DYNC1I1: variants seen among roughly 807,000 people sequenced by gnomAD.
The protein encoded by DYNC1I1 is cytoplasmic dynein 1 intermediate chain 1.
Under a neutral mutation model 86.6 loss-of-function variants are expected in DYNC1I1, and 43 were observed. That is an observed-to-expected ratio of 0.50 (90% confidence interval 0.39 to 0.64). DYNC1I1 has a LOEUF of 0.64. Among genes scored for constraint, DYNC1I1 ranks in the 30% least tolerant of loss-of-function variants. The pLI is 0.00. For missense variants in DYNC1I1, 604 were observed against 788.8 expected, an observed-to-expected ratio of 0.77 and a Z score of 2.81; for synonymous variants, 262 against 283.7, an observed-to-expected ratio of 0.92 and a Z score of 0.77.
chr7:95,846,929 C>T (rs965208067), intron 5 of DYNC1I1, among the ~76,000 whole-genome samples: 2 of 152,176 alleles, frequency 1.3e-5, no homozygotes, highest in Non-Finnish European at 2.9e-5. Context: ...CTCTATGACT[C>T]CATTGGGTGG....
At chr7:95,843,272 G>A (rs1324696772) in intron 5 of DYNC1I1, among the ~76,000 whole-genome samples, 2 of 152,152 alleles carry the variant, frequency 1.3e-5, no homozygotes, top group Non-Finnish European at 2.9e-5. Flanking sequence ...GCAAACTTCT[G>A]AGTTTTCTTT....
intron 11 of DYNC1I1, among the ~76,000 whole-genome samples, chr7:96,028,971 C>A (rs1033072838): frequency 1.2e-4 from 18 of 152,150 alleles, no homozygotes; most frequent in African/African-American, 4.3e-4. Context: ...AGAAGACAGG[C>A]GTGTCTCCAT....
At chr7:95,958,645 C>T (rs979780234) in intron 6 of DYNC1I1, among the ~76,000 whole-genome samples, 1 of 152,162 alleles carries the variant, frequency 6.6e-6, no homozygotes, top group African/African-American at 2.4e-5. Context: ...TTGAGACACT[C>T]AGTTGAGTTC....
chr7:96,050,412 TAG>T (rs1475763302), intron 14 of DYNC1I1, among the ~76,000 whole-genome samples: 2 of 152,220 alleles, frequency 1.3e-5, no homozygotes, highest in Non-Finnish European at 2.9e-5. Context: ...AGAAATACTG[TAG>T]TTAAATGAAA....
intron 11 of DYNC1I1, among the ~76,000 whole-genome samples, chr7:96,032,277 A>G (rs1326050686): frequency 6.6e-6 from 1 of 152,108 alleles, no homozygotes; most frequent in Non-Finnish European, 1.5e-5. Flanking sequence ...CAGTAGTTCT[A>G]CCCTTTTGAA....
At chr7:96,099,504 A>G (rs1181577213), downstream of DYNC1I1, among the ~76,000 whole-genome samples, 1 of 152,162 alleles carries the variant, frequency 6.6e-6, no homozygotes, top group East Asian at 1.9e-4. Context: ...GGCTTAAGCA[A>G]CAGAACTGTA....
intron 5 of DYNC1I1, among the ~76,000 whole-genome samples, chr7:95,851,481 G>A (rs1266902349): frequency 6.6e-6 from 1 of 151,832 alleles, no homozygotes; most frequent in East Asian, 1.9e-4. Flanking sequence ...CTGAAACTAT[G>A]GAAAGCAAAA....
chr7:95,785,245 C>T (rs1182430342), intron 1 of DYNC1I1, among the ~76,000 whole-genome samples: 1 of 152,046 alleles, frequency 6.6e-6, no homozygotes, highest in Admixed American at 6.6e-5. Context: ...AACCCCGTCT[C>T]TACCAAAAAA....
At chr7:95,875,246 G>GA (rs1790280126) in intron 6 of DYNC1I1, among the ~76,000 whole-genome samples, 2 of 151,926 alleles carry the variant, frequency 1.3e-5, no homozygotes, top group Admixed American at 1.3e-4. Flanking sequence ...ATATATATTG[G>GA]AAAAATGCCC....
intron 9 of DYNC1I1, among the ~76,000 whole-genome samples, chr7:95,987,488 A>C (rs1393994017): frequency 6.6e-6 from 1 of 152,134 alleles, no homozygotes; most frequent in Non-Finnish European, 1.5e-5. Flanking sequence ...CAGCTTAGTC[A>C]GCTTCCTTGT....
rs1249951468 is a variant in DYNC1I1 at position 96,082,783 on chromosome 7, A to T, written c.1776+2295A>T. On this transcript the variant is annotated intron_variant, in intron 16 of 16. Coordinates refer to ENST00000447467, the MANE Select transcript of DYNC1I1 (RefSeq NM_001135556.2). ...ATGACATATTTTGTGAGTAAATATG[A>T]TTTTACAAAAGTTACTTTGGCTGAT... Among the ~76,000 whole-genome samples, 3 of 152,288 alleles carry T rather than the reference A, an allele frequency of 2.0e-5. No individual in the cohort carries two copies. The East Asian group carries it at 5.8e-4, about 29-fold the overall frequency.
chr7:96,049,648 G>A (rs530851658), intron 14 of DYNC1I1, among the ~76,000 whole-genome samples: 24 of 152,152 alleles, frequency 1.6e-4, no homozygotes, highest in East Asian at 7.7e-4. Flanking sequence ...CCTCCAAATC[G>A]TAGAAAGAAT....
chr7:96,062,071 C>T (rs962610578), intron 14 of DYNC1I1, among the ~76,000 whole-genome samples: 3 of 152,176 alleles, frequency 2.0e-5, no homozygotes, highest in Admixed American at 1.3e-4. Context: ...GAGGGTGGAG[C>T]GGTCTGTTGA....
At chr7:95,841,821 C>T (rs762272831) in intron 5 of DYNC1I1, among the ~76,000 whole-genome samples, 9 of 152,168 alleles carry the variant, frequency 5.9e-5, no homozygotes, top group Non-Finnish European at 1.2e-4. Context: ...GATGTGCAAT[C>T]TAACCCCTTC....
At chr7:95,969,585 GATCCACATCA>G (rs1255293367) in intron 6 of DYNC1I1, among the ~76,000 whole-genome samples, 1 of 152,112 alleles carries the variant, frequency 6.6e-6, no homozygotes, top group African/African-American at 2.4e-5. Context: ...CAAGCTGACT[GATCCACATCA>G]ACTCAATTCA....
chr7:95,804,797 A>G lies in DYNC1I1; in HGVS notation c.68A>G (p.Glu23Gly), dbSNP rs1794665468. 6.3e-7 allele frequency: 1 copy of G among 1,582,992 alleles called. No individual in the cohort carries two copies. Among genetic ancestry groups the G allele is most frequent in the African/African-American group, 1.4e-5 (1 of 73,854 alleles). Residue 23 changes from glutamate to glycine, a missense_variant, in exon 2 of 17, where the codon GAA becomes GGA. Coordinates refer to ENST00000447467, the MANE Select transcript of DYNC1I1 (RefSeq NM_001135556.2). The stretch of plus-strand genomic sequence containing the variant: ...AAGCAGCGCTTAGCACAGATAAGAG[A>G]AGAGAAGAAACGGAAGGAAGAGGAG... ...RKKQRLAQIR[E>G]EKKRKEEERK...
At chr7:96,080,146 C>CT (rs1198447182) in intron 15 of DYNC1I1, among the ~76,000 whole-genome samples, 1 of 152,110 alleles carries the variant, frequency 6.6e-6, no homozygotes, top group East Asian at 1.9e-4. Flanking sequence ...CCCTCCTTTT[C>CT]TTTTTTGTTA....
intron 14 of DYNC1I1, among the ~76,000 whole-genome samples, chr7:96,040,729 T>C (rs1789019504): frequency 6.6e-6 from 1 of 151,824 alleles, no homozygotes; most frequent in South Asian, 2.1e-4. Flanking sequence ...TTTTTTTTTT[T>C]TCTTTTTTTT....
intron 6 of DYNC1I1, among the ~76,000 whole-genome samples, chr7:95,880,979 C>A (rs2116224770): frequency 6.6e-6 from 1 of 152,144 alleles, no homozygotes; most frequent in South Asian, 2.1e-4. Context: ...TTTTATCTTT[C>A]CCTAATTTCT....
Sources: gnomAD v4.1 joint callset for allele counts (sites outside exome capture counted in the v4.1 genomes callset) on GRCh38, gnomAD v4.1.1 for gene constraint, MANE v1.5 for transcripts, NCBI Gene and HGNC (gene_info 2026-07-23, HGNC 2026-07-21) for gene names.